The following BCL11B variants were observed in gnomAD, a reference collection of about 807,000 sequenced individuals.
The protein encoded by BCL11B is B-cell lymphoma/leukemia 11B.
BCL11B carries 8 observed loss-of-function variants against 49.9 expected under a neutral mutation model. The observed-to-expected ratio is 0.16, with a 90% CI of 0.09 to 0.29. BCL11B has a LOEUF of 0.29. BCL11B is among the 10% of genes least tolerant of loss of function. The pLI, the probability that BCL11B is intolerant of heterozygous loss-of-function variation, is 1.00. For missense variants in BCL11B, 1,006 were observed against 1,351.0 expected, an observed-to-expected ratio of 0.74 and a Z score of 4.00; for synonymous variants, 739 against 637.4, an observed-to-expected ratio of 1.16 and a Z score of -2.40.
intron 2 of BCL11B, among the ~76,000 whole-genome samples, chr14:99,233,804 G>A (rs1481757755): frequency 6.6e-6 from 1 of 152,208 alleles, no homozygotes; most frequent in African/African-American, 2.4e-5. Context: ...GCCCTGGACA[G>A]GTTTCCCCAG....
intron 2 of BCL11B, among the ~76,000 whole-genome samples, chr14:99,254,127 TG>T (rs1889088965): frequency 6.6e-6 from 1 of 152,240 alleles, no homozygotes; most frequent in South Asian, 2.1e-4. Flanking sequence ...GCTGTTTACC[TG>T]GGGATCCAGG....
At chr14:99,250,902 T>G (rs2139938512) in intron 2 of BCL11B, among the ~76,000 whole-genome samples, 1 of 151,498 alleles carries the variant, frequency 6.6e-6, no homozygotes, top group African/African-American at 2.4e-5. Context: ...ACCAGTATTG[T>G]CTGTCTTTTT....
At chr14:99,211,734 C>A (rs1251838584) in intron 3 of BCL11B, among the ~76,000 whole-genome samples, 2 of 152,146 alleles carry the variant, frequency 1.3e-5, no homozygotes, top group Non-Finnish European at 2.9e-5. Flanking sequence ...TGGTGCATTT[C>A]CCACCCAGAG....
Position 99,193,413 on chromosome 14 carries a change from G to A in BCL11B, c.641-17218C>T, listed in dbSNP as rs78994720. ...AACCCATTGTCAGAACACAGTCTACGTTCGTCCACAATGCCTAGAACAGAT... is the reference window on the plus strand; with the variant it reads ...AACCCATTGTCAGAACACAGTCTACATTCGTCCACAATGCCTAGAACAGAT... On this transcript the variant is annotated intron_variant, in intron 3 of 3. Transcript: ENST00000357195. 7.3e-3 allele frequency among the ~76,000 whole-genome samples: 1,113 copies of A among 152,156 alleles called. 14 individuals carry two copies. Among genetic ancestry groups the A allele is most frequent in the Non-Finnish European group, 0.01 (706 of 68,002 alleles).
chr14:99,208,673 T>A (rs900011372), intron 3 of BCL11B, among the ~76,000 whole-genome samples: 3 of 152,236 alleles, frequency 2.0e-5, no homozygotes, highest in African/African-American at 4.8e-5. Flanking sequence ...CCGGGCAGGC[T>A]CGGGGCAGGG....
chr14:99,246,283 T>C (rs897179272), intron 2 of BCL11B, among the ~76,000 whole-genome samples: 1 of 152,218 alleles, frequency 6.6e-6, no homozygotes, highest in Non-Finnish European at 1.5e-5. Context: ...CTCAGGCAGC[T>C]GCTCCATTAA....
intron 3 of BCL11B, among the ~76,000 whole-genome samples, chr14:99,229,492 A>G (rs1008976258): frequency 6.6e-6 from 1 of 151,914 alleles, no homozygotes; most frequent in Non-Finnish European, 1.5e-5. Flanking sequence ...CAGTTCTGCC[A>G]CCCTGGCTAG....
At chr14:99,201,179 C>T (rs113794026) in intron 3 of BCL11B, among the ~76,000 whole-genome samples, 1,970 of 152,304 alleles carry the variant, frequency 0.013, 46 homozygotes, top group African/African-American at 0.044. Context: ...GAAAACGCAA[C>T]CCTCGCCAGG....
In BCL11B at chr14:99,232,745, T is replaced by A. The variant is rs1888375455; in HGVS notation, c.428-1188A>T. Reference sequence around the variant, plus strand: ...TGCACAGACCAGGAAACTGATGGCGTGACTGCAGAAAACTGCAGACATCAG... The same window carrying A: ...TGCACAGACCAGGAAACTGATGGCGAGACTGCAGAAAACTGCAGACATCAG... On this transcript the variant is annotated intron_variant, in intron 2 of 3. Coordinates refer to ENST00000357195, the MANE Select transcript of BCL11B (RefSeq NM_138576.4). This position sits in a 1 kb window ranked among gnomAD's most constrained non-coding sequence, Gnocchi z 5.1. Among the ~76,000 whole-genome samples the A allele has an allele frequency of 6.6e-6, 1 of 152,182 alleles. No individual in the cohort carries two copies. Among genetic ancestry groups the A allele is most frequent in the Non-Finnish European group, 1.5e-5 (1 of 68,022 alleles).
intron 3 of BCL11B, among the ~76,000 whole-genome samples, chr14:99,221,588 G>A (rs1189619215): frequency 6.6e-6 from 1 of 152,268 alleles, no homozygotes; most frequent in African/African-American, 2.4e-5. Flanking sequence ...GGGAGGGGCA[G>A]GCCAGGACCA....
At chr14:99,267,203 T>G (rs371095182) in intron 1 of BCL11B, among the ~76,000 whole-genome samples, 4 of 151,780 alleles carry the variant, frequency 2.6e-5, no homozygotes, top group African/African-American at 9.7e-5. Context: ...TTTTCTGTTA[T>G]GAAATATTTC....
chr14:99,245,791 C>T (rs886992125), intron 2 of BCL11B, among the ~76,000 whole-genome samples: 2 of 152,068 alleles, frequency 1.3e-5, no homozygotes, highest in African/African-American at 4.8e-5. Context: ...GGAGGAGGGG[C>T]GGCCCCGTGC....
chr14:99,261,613 TA>T (rs1291010689), intron 1 of BCL11B, among the ~76,000 whole-genome samples: 1 of 152,148 alleles, frequency 6.6e-6, no homozygotes, highest in Non-Finnish European at 1.5e-5. Context: ...ACTCGGGCCT[TA>T]AAAAAATAAA....
At chr14:99,201,736 C>T (rs1039441299) in intron 3 of BCL11B, among the ~76,000 whole-genome samples, 3 of 152,196 alleles carry the variant, frequency 2.0e-5, no homozygotes, top group African/African-American at 7.2e-5. Context: ...GGCTGCCCCT[C>T]CACTGTGCCC....
Position 99,170,532 on chromosome 14 carries a change from G to A in BCL11B, c.*3619C>T, listed in dbSNP as rs1886254431. On this transcript the variant is annotated 3_prime_UTR_variant, in exon 4 of 4. Coordinates refer to ENST00000357195, the MANE Select transcript of BCL11B (RefSeq NM_138576.4). ...AATAAAAATAAAATAGAGGATTAGG[G>A]GAGGAACAGACAGGAAGAAAAGAAA... The A allele has an allele frequency of 4.3e-6, 1 of 230,016 alleles. No homozygotes were observed. Among genetic ancestry groups the A allele is most frequent in the Non-Finnish European group, 8.6e-6 (1 of 116,160 alleles). The allele number at this position is 230,016 out of a possible 1,614,324, so 14.2% of individuals were successfully genotyped here. A position where few individuals can be genotyped will look rare whatever the true frequency, so the allele number is the denominator to read the frequency against.
chr14:99,255,855 A>G (rs1239495046), intron 2 of BCL11B, among the ~76,000 whole-genome samples: 1 of 152,192 alleles, frequency 6.6e-6, no homozygotes, highest in Non-Finnish European at 1.5e-5. Context: ...GGTGGCCTGG[A>G]CATGTCTCAA....
chr14:99,187,758 A>C (rs61981481), intron 3 of BCL11B, among the ~76,000 whole-genome samples: 4,732 of 120,664 alleles, frequency 0.039, 110 homozygotes, highest in South Asian at 0.087. Context: ...CAGTCTCCCC[A>C]GAAGCACCCC....
In BCL11B at chr14:99,172,798, T is replaced by G. The variant is rs1184333050; in HGVS notation, c.*1353A>C. ...TGCGGGTCAACAGAATTCAAATGTC[T>G]AATCTTAACAGTTCAATATTTAGTA... is the stretch of plus-strand genomic sequence containing the variant. On this transcript the variant is annotated 3_prime_UTR_variant, in exon 4 of 4. Coordinates refer to ENST00000357195, the MANE Select transcript of BCL11B (RefSeq NM_138576.4). 9 of 217,512 alleles carry G rather than the reference T, an allele frequency of 4.1e-5. No homozygotes were observed. Among genetic ancestry groups the G allele is most frequent in the Non-Finnish European group, 5.6e-5 (6 of 108,100 alleles). 13.5% of individuals were successfully genotyped at this position (217,512 alleles called of 1,614,324 possible).
At position 99,184,786 on chromosome 14, in the gene BCL11B, G is replaced by A. The variant is rs566945425; in HGVS notation, c.641-8591C>T. ...AGGGCAGGAAATGGCCCAGAAGAAAGAGGCTGCACACAGCGAGAAAACCTC... is the reference window on the plus strand; with the variant it reads ...AGGGCAGGAAATGGCCCAGAAGAAAAAGGCTGCACACAGCGAGAAAACCTC... On this transcript the variant is annotated intron_variant, in intron 3 of 3. Transcript: ENST00000357195. The surrounding 1 kb of genome is among the most constrained non-coding windows in gnomAD (Gnocchi z 6.1). Among the ~76,000 whole-genome samples the A allele has an allele frequency of 8.5e-5, 13 of 152,218 alleles. No homozygotes were observed. Among genetic ancestry groups the A allele is most frequent in the Admixed American group, 3.3e-4 (5 of 15,294 alleles).
Sources: gnomAD v4.1 joint callset for allele counts (sites outside exome capture counted in the v4.1 genomes callset) on GRCh38, gnomAD v4.1.1 for gene constraint, Gnocchi (gnomAD v3.1) non-coding constraint, MANE v1.5 for transcripts, NCBI Gene and HGNC (gene_info 2026-07-23, HGNC 2026-07-21) for gene names.